The following CSMD1 variants were observed in gnomAD, a reference collection of about 807,000 sequenced individuals.
CSMD1 encodes the protein CUB and Sushi multiple domains 1.
Under a neutral mutation model 417.5 loss-of-function variants are expected in CSMD1, and 213 were observed. The observed-to-expected ratio is 0.51, with a 90% CI of 0.46 to 0.57. CSMD1 has a LOEUF of 0.57. Ranked by LOEUF, CSMD1 falls within the 20% of genes least tolerant of loss-of-function variation. The pLI is 0.00. For synonymous variants in CSMD1, 2,862 were observed against 1,736.8 expected, an observed-to-expected ratio of 1.65 and a Z score of -16.11; for missense variants, 6,923 against 4,529.7, an observed-to-expected ratio of 1.53 and a Z score of -15.17.
intron 5 of CSMD1, among the ~76,000 whole-genome samples, chr8:3,883,316 A>T (rs144394188): frequency 6.0e-4 from 91 of 152,282 alleles, no homozygotes; most frequent in African/African-American, 1.9e-3. Context: ...GACATAATAT[A>T]ATACACACAA....
intron 3 of CSMD1, among the ~76,000 whole-genome samples, chr8:4,406,736 T>A (rs769424508): frequency 6.6e-6 from 1 of 152,186 alleles, no homozygotes; most frequent in Non-Finnish European, 1.5e-5. Flanking sequence ...TACCAGAGAA[T>A]GTATTGTTTG....
intron 3 of CSMD1, among the ~76,000 whole-genome samples, chr8:4,124,996 C>A (rs538214527): frequency 6.6e-6 from 1 of 152,140 alleles, no homozygotes; most frequent in East Asian, 1.9e-4. Context: ...TTTCCTTTCA[C>A]TTTCATAAAT....
intron 1 of CSMD1, among the ~76,000 whole-genome samples, chr8:4,717,053 A>G (rs571320372): frequency 5.6e-4 from 85 of 152,224 alleles, no homozygotes; most frequent in African/African-American, 2.0e-3. Flanking sequence ...ATCACAAAGA[A>G]AAATAGGAAA....
intron 30 of CSMD1, among the ~76,000 whole-genome samples, chr8:3,207,631 C>A (rs913256779): frequency 2.0e-5 from 3 of 152,070 alleles, no homozygotes; most frequent in Admixed American, 2.0e-4. Context: ...AAGAAATTTC[C>A]TGAATCCCTG....
At chr8:4,826,423 C>T (rs1585167194) in intron 1 of CSMD1, among the ~76,000 whole-genome samples, 1 of 152,134 alleles carries the variant, frequency 6.6e-6, no homozygotes, top group African/African-American at 2.4e-5. Context: ...GGGCATTGCG[C>T]TAACTGAAAT....
intron 8 of CSMD1, among the ~76,000 whole-genome samples, chr8:3,600,023 G>T (rs1801286283): frequency 6.6e-6 from 1 of 152,272 alleles, no homozygotes; most frequent in East Asian, 1.9e-4. Flanking sequence ...ACCACCACAA[G>T]AGGCACCTCC....
intron 2 of CSMD1, among the ~76,000 whole-genome samples, chr8:4,571,545 G>C (rs1051247300): frequency 1.3e-5 from 2 of 152,150 alleles, no homozygotes; most frequent in Admixed American, 1.3e-4. Context: ...ATTTGCTGAG[G>C]AGTGTTTTAT....
chr8:4,283,321 G>C (rs2128861387), intron 3 of CSMD1, among the ~76,000 whole-genome samples: 1 of 152,258 alleles, frequency 6.6e-6, no homozygotes, highest in Middle Eastern at 3.4e-3. Flanking sequence ...TGTAGCTTCA[G>C]TTCTCCTTCA....
chr8:3,977,891 A>G (rs1585066327), intron 5 of CSMD1, among the ~76,000 whole-genome samples: 1 of 152,316 alleles, frequency 6.6e-6, no homozygotes, highest in Middle Eastern at 3.4e-3. Flanking sequence ...AAACTCAAGA[A>G]TGGTAACTGA....
At chr8:4,866,236 C>T (rs1021481948) in intron 1 of CSMD1, among the ~76,000 whole-genome samples, 1 of 151,864 alleles carries the variant, frequency 6.6e-6, no homozygotes, top group African/African-American at 2.4e-5. Context: ...GTACCAGGCT[C>T]TCTTGAAATT....
At chr8:4,810,440 C>T (rs998243600) in intron 1 of CSMD1, among the ~76,000 whole-genome samples, 1 of 152,140 alleles carries the variant, frequency 6.6e-6, no homozygotes, top group African/African-American at 2.4e-5. Flanking sequence ...CTAAACAAGG[C>T]CTTTTCTTGC....
intron 18 of CSMD1, among the ~76,000 whole-genome samples, chr8:3,371,496 G>C (rs562460049): frequency 6.8e-6 from 1 of 146,870 alleles, no homozygotes; most frequent in Admixed American, 6.8e-5. Flanking sequence ...TTTTTAACAT[G>C]CCCACATTCT....
intron 7 of CSMD1, among the ~76,000 whole-genome samples, chr8:3,628,083 A>T (rs1170288350): frequency 2.0e-5 from 3 of 152,214 alleles, no homozygotes; most frequent in African/African-American, 7.2e-5. Context: ...CTATTTTTTT[A>T]AATAAAAGAA....
chr8:4,564,551 A>C (rs550011867), intron 2 of CSMD1, among the ~76,000 whole-genome samples: 1 of 152,300 alleles, frequency 6.6e-6, no homozygotes, highest in Non-Finnish European at 1.5e-5. Flanking sequence ...AGCATTCCAA[A>C]TTTTATAAGC....
At chr8:4,921,889 T>C (rs543533062) in intron 1 of CSMD1, among the ~76,000 whole-genome samples, 3 of 152,204 alleles carry the variant, frequency 2.0e-5, no homozygotes, top group Non-Finnish European at 4.4e-5. Flanking sequence ...TCACTCAGAA[T>C]TGAACCTTCC....
chr8:4,730,053 G>A (rs763678906), intron 1 of CSMD1, among the ~76,000 whole-genome samples: 1 of 152,146 alleles, frequency 6.6e-6, no homozygotes, highest in Non-Finnish European at 1.5e-5. Context: ...ACTCCTCTCA[G>A]AATGGCCAGA....
intron 2 of CSMD1, among the ~76,000 whole-genome samples, chr8:4,476,913 G>A (rs1472571366): frequency 6.6e-6 from 1 of 152,216 alleles, no homozygotes; most frequent in Non-Finnish European, 1.5e-5. Flanking sequence ...AATCAAGGGT[G>A]AAAAGAGAAA....
intron 5 of CSMD1, among the ~76,000 whole-genome samples, chr8:3,804,895 A>T (rs1800643140): frequency 6.6e-6 from 1 of 152,178 alleles, no homozygotes; most frequent in Non-Finnish European, 1.5e-5. Context: ...TGGATTAGTG[A>T]AAAATGACTA....
At chr8:3,056,032 T>C (rs149157424) in intron 49 of CSMD1, among the ~76,000 whole-genome samples, 1 of 152,336 alleles carries the variant, frequency 6.6e-6, no homozygotes, top group East Asian at 1.9e-4. Flanking sequence ...CTAATAATTA[T>C]GTTATAGGCA....
Sources: allele counts gnomAD v4.1 joint callset (sites outside exome capture counted in the v4.1 genomes callset), GRCh38; gene constraint gnomAD v4.1.1; transcripts MANE v1.5; gene names NCBI Gene and HGNC (gene_info 2026-07-23, HGNC 2026-07-21).